FILIP1L: variants seen among roughly 807,000 people sequenced by gnomAD.
FILIP1L encodes filamin A-interacting protein 1-like.
FILIP1L carries 55 observed loss-of-function variants against 96.6 expected under a neutral mutation model. The ratio of observed to expected loss-of-function variants is 0.57; its 90% CI spans 0.46 to 0.71. The LOEUF is 0.71. FILIP1L is among the 30% of genes least tolerant of loss of function. FILIP1L has a pLI of 0.00. For synonymous variants in FILIP1L, 467 were observed against 473.9 expected (o/e 0.99, Z 0.19); for missense variants, 1,304 against 1,321.2 (o/e 0.99, Z 0.20).
At chr3:100,020,654 TAAA>T (rs1453998729) in intron 1 of FILIP1L, among the ~76,000 whole-genome samples, 1 of 151,954 alleles carries the variant, frequency 6.6e-6, no homozygotes, top group Non-Finnish European at 1.5e-5. Context: ...TTAAAGTTCT[TAAA>T]AAGTGTTTAT....
intron 1 of FILIP1L, among the ~76,000 whole-genome samples, chr3:100,085,837 G>A (rs1343875230): frequency 3.3e-5 from 5 of 152,148 alleles, no homozygotes; most frequent in East Asian, 3.8e-4. Context: ...TGGAGACCTC[G>A]ACTAGCAGGA....
At chr3:100,046,180 A>G (rs566957170) in intron 1 of FILIP1L, among the ~76,000 whole-genome samples, 1 of 152,232 alleles carries the variant, frequency 6.6e-6, no homozygotes, top group East Asian at 1.9e-4. Flanking sequence ...GGCACTGATA[A>G]CTCTATGAAT....
chr3:99,895,381 T>TA (rs913578758), intron 4 of FILIP1L, among the ~76,000 whole-genome samples: 36 of 151,756 alleles, frequency 2.4e-4, no homozygotes, highest in African/African-American at 8.0e-4. Context: ...GCAGGACTTT[T>TA]TTTTTTTTTT....
chr3:99,931,243 G>C (rs1257209054), intron 1 of FILIP1L, among the ~76,000 whole-genome samples: 1 of 152,062 alleles, frequency 6.6e-6, no homozygotes, highest in East Asian at 1.9e-4. Context: ...TTAAAAAAAG[G>C]TGTTCTGTCT....
At chr3:99,979,263 A>G (rs1283492664) in intron 1 of FILIP1L, among the ~76,000 whole-genome samples, 1 of 152,186 alleles carries the variant, frequency 6.6e-6, no homozygotes, top group Non-Finnish European at 1.5e-5. Flanking sequence ...ATTTTTTTGA[A>G]TGAGACTCTA....
intron 4 of FILIP1L, among the ~76,000 whole-genome samples, chr3:99,854,055 T>C (rs1943837858): frequency 6.6e-6 from 1 of 152,140 alleles, no homozygotes; most frequent in Admixed American, 6.5e-5. Context: ...TTGAAGGAAT[T>C]AGCACTTCTG....
chr3:99,845,414 A>T (rs1211529169), intron 5 of FILIP1L, among the ~76,000 whole-genome samples: 1 of 152,212 alleles, frequency 6.6e-6, no homozygotes, highest in East Asian at 1.9e-4. Context: ...GAATGGTATG[A>T]GTTTTTCAGA....
chr3:99,899,482 A>G (rs1046011438), intron 4 of FILIP1L, among the ~76,000 whole-genome samples: 6 of 152,206 alleles, frequency 3.9e-5, no homozygotes, highest in African/African-American at 1.4e-4. Flanking sequence ...TAATGACACA[A>G]CTAAACAAGT....
At position 99,830,214 on chromosome 3, in the gene FILIP1L, C is replaced by T. The variant is rs555518497; in HGVS notation, c.*200G>A. 24 of 294,720 alleles carry T rather than the reference C, an allele frequency of 8.1e-5. No homozygotes were observed. Among genetic ancestry groups the T allele is most frequent in the South Asian group, 6.1e-4 (18 of 29,506 alleles). The allele number at this position is 294,720 out of a possible 1,614,324, so 18.3% of individuals were successfully genotyped here. A position where few individuals can be genotyped will look rare whatever the true frequency, so the allele number is the denominator to read the frequency against. ...AGATTTGGGTGTGGGTCTAGGCCTGCGAGTGTTTGTGTGTGCATATACACA... is the reference window on the plus strand; with the variant it reads ...AGATTTGGGTGTGGGTCTAGGCCTGTGAGTGTTTGTGTGTGCATATACACA... On this transcript the variant is annotated 3_prime_UTR_variant, in exon 6 of 6. Coordinates refer to ENST00000477258, the MANE Select transcript of FILIP1L (RefSeq NM_001387850.1).
Position 100,081,499 on chromosome 3 carries a change from T to C in FILIP1L, c.-11+32554A>G, listed in dbSNP as rs377523553. 1.9e-4 allele frequency among the ~76,000 whole-genome samples: 29 copies of C among 152,286 alleles called. No individual in the cohort carries two copies. The East Asian group carries it at 2.9e-3, about 15-fold the overall frequency. ...AACCCTTATCTTCCATGTATACTTA[T>C]GTAGAAAGATATCTCTGTGGATAGC... On this transcript the variant is annotated intron_variant, in intron 1 of 5. Coordinates refer to ENST00000477258, the MANE Select transcript of FILIP1L (RefSeq NM_001387850.1).
intron 4 of FILIP1L, among the ~76,000 whole-genome samples, chr3:99,892,742 G>C (rs569777211): frequency 6.6e-6 from 1 of 152,006 alleles, no homozygotes; most frequent in African/African-American, 2.4e-5. Flanking sequence ...ACCCTCAAAG[G>C]CTTGCCCTTA....
intron 1 of FILIP1L, among the ~76,000 whole-genome samples, chr3:99,966,608 C>T (rs956089214): frequency 6.6e-5 from 10 of 152,158 alleles, no homozygotes; most frequent in Admixed American, 2.6e-4. Context: ...CAGAACCCTT[C>T]GCTCTGTATA....
chr3:100,021,771 C>T (rs1217421839), intron 1 of FILIP1L, among the ~76,000 whole-genome samples: 23 of 152,122 alleles, frequency 1.5e-4, no homozygotes, highest in Admixed American at 1.4e-3. Flanking sequence ...AACTTGCATT[C>T]TAGGAACTTC....
At chr3:99,990,182 G>A (rs1709471745) in intron 1 of FILIP1L, among the ~76,000 whole-genome samples, 1 of 152,164 alleles carries the variant, frequency 6.6e-6, no homozygotes, top group African/African-American at 2.4e-5. Context: ...AAAACAGAAA[G>A]GCTAGTCCTA....
chr3:99,864,548 C>T (rs1354742888), intron 4 of FILIP1L, among the ~76,000 whole-genome samples: 1 of 152,122 alleles, frequency 6.6e-6, no homozygotes, highest in African/African-American at 2.4e-5. Context: ...AACAACCAGG[C>T]TACATGCCGG....
At chr3:100,094,948 A>G (rs1272902193) in intron 1 of FILIP1L, among the ~76,000 whole-genome samples, 1 of 152,042 alleles carries the variant, frequency 6.6e-6, no homozygotes, top group Non-Finnish European at 1.5e-5. Context: ...TCGGCCTCCC[A>G]AAGTGCTGGG....
intron 1 of FILIP1L, among the ~76,000 whole-genome samples, chr3:100,039,141 T>A (rs913666160): frequency 2.6e-5 from 4 of 152,250 alleles, no homozygotes; most frequent in African/African-American, 9.6e-5. Context: ...ATTATCATCA[T>A]CTAATAATAG....
intron 1 of FILIP1L, among the ~76,000 whole-genome samples, chr3:100,071,899 G>C (rs979749847): frequency 3.3e-5 from 5 of 152,132 alleles, no homozygotes; most frequent in African/African-American, 1.2e-4. Context: ...TGTCTTCAGG[G>C]GGACTTTGCC....
intron 4 of FILIP1L, among the ~76,000 whole-genome samples, chr3:99,920,842 C>T (rs1277395092): frequency 2.0e-5 from 3 of 152,198 alleles, no homozygotes; most frequent in Non-Finnish European, 4.4e-5. Context: ...TTATTACATC[C>T]TCTGAGGTCT....
Sources: allele counts gnomAD v4.1 joint callset (sites outside exome capture counted in the v4.1 genomes callset), GRCh38; gene constraint gnomAD v4.1.1; transcripts MANE v1.5; gene names NCBI Gene and HGNC (gene_info 2026-07-23, HGNC 2026-07-21).